The following CDH12 variants were observed in gnomAD, a reference collection of about 807,000 sequenced individuals.
The protein encoded by CDH12 is cadherin-12.
A neutral mutation model predicts 74.1 loss-of-function variants in CDH12; 41 were observed. The ratio of observed to expected loss-of-function variants is 0.55; its 90% CI spans 0.43 to 0.72. CDH12 has a LOEUF of 0.72. CDH12 is among the 30% of genes least tolerant of loss of function. CDH12 has a pLI of 0.00. For missense variants in CDH12, 945 were observed against 977.2 expected (o/e 0.97, Z 0.44); for synonymous variants, 399 against 355.0 (o/e 1.12, Z -1.39).
intron 4 of CDH12, among the ~76,000 whole-genome samples, chr5:22,171,596 G>A (rs1013683548): frequency 1.3e-5 from 2 of 151,862 alleles, no homozygotes; most frequent in Non-Finnish European, 2.9e-5. Flanking sequence ...TCATCCTTAC[G>A]ATAATACTGA....
intron 4 of CDH12, among the ~76,000 whole-genome samples, chr5:22,089,283 T>C (rs960012552): frequency 2.6e-5 from 4 of 152,068 alleles, no homozygotes; most frequent in East Asian, 3.9e-4. Context: ...TGTTAGAATA[T>C]AGTATTTATA....
At chr5:22,364,907 G>C (rs1048551855) in intron 3 of CDH12, among the ~76,000 whole-genome samples, 4 of 152,104 alleles carry the variant, frequency 2.6e-5, no homozygotes, top group African/African-American at 4.8e-5. Context: ...AAATTGTGTT[G>C]ACACTGACAT....
chr5:22,260,937 AAAC>A (rs1300582615), intron 3 of CDH12, among the ~76,000 whole-genome samples: 1 of 152,004 alleles, frequency 6.6e-6, no homozygotes, highest in Admixed American at 6.6e-5. Context: ...GTAACACAAT[AAAC>A]ACAGAGAGCC....
intron 1 of CDH12, among the ~76,000 whole-genome samples, chr5:22,841,263 G>T (rs532320581): frequency 6.6e-6 from 1 of 152,260 alleles, no homozygotes; most frequent in East Asian, 1.9e-4. Flanking sequence ...AACAGGATCT[G>T]CTGGCAAATT....
At chr5:22,220,032 A>G (rs1407725154) in intron 3 of CDH12, among the ~76,000 whole-genome samples, 1 of 151,818 alleles carries the variant, frequency 6.6e-6, no homozygotes, top group Non-Finnish European at 1.5e-5. Context: ...GGCTTAATGT[A>G]TATCACCATT....
At chr5:21,968,008 C>T (rs535420167) in intron 6 of CDH12, among the ~76,000 whole-genome samples, 1 of 152,268 alleles carries the variant, frequency 6.6e-6, no homozygotes, top group Admixed American at 6.5e-5. Flanking sequence ...GCGTCCTCTA[C>T]ACCAAGGAAA....
chr5:22,703,836 G>A (rs1282819248), intron 1 of CDH12, among the ~76,000 whole-genome samples: 9 of 152,104 alleles, frequency 5.9e-5, no homozygotes, highest in Admixed American at 5.9e-4. Flanking sequence ...CATCCTAAAT[G>A]TCTCTACTGC....
intron 1 of CDH12, among the ~76,000 whole-genome samples, chr5:22,670,452 A>C (rs1740847323): frequency 6.6e-6 from 1 of 152,150 alleles, no homozygotes; most frequent in African/African-American, 2.4e-5. Context: ...GCAGATAACC[A>C]CTGTTCTCTT....
chr5:22,204,458 G>A (rs759487029), intron 4 of CDH12, among the ~76,000 whole-genome samples: 3 of 152,188 alleles, frequency 2.0e-5, no homozygotes, highest in Non-Finnish European at 4.4e-5. Flanking sequence ...ACCGCGCCCA[G>A]CCCAATTCAC....
chr5:22,009,839 G>C (rs572382433), intron 5 of CDH12, among the ~76,000 whole-genome samples: 1 of 150,322 alleles, frequency 6.7e-6, no homozygotes, highest in South Asian at 2.1e-4. Context: ...TTAGCTGAGC[G>C]TGGTGGCGGT....
intron 4 of CDH12, among the ~76,000 whole-genome samples, chr5:22,088,429 T>C (rs1743205450): frequency 6.6e-6 from 1 of 152,128 alleles, no homozygotes; most frequent in South Asian, 2.1e-4. Context: ...CTTAGGTTTC[T>C]TGTAGAGCAG....
intron 4 of CDH12, among the ~76,000 whole-genome samples, chr5:22,188,407 C>T (rs1401856842): frequency 6.6e-6 from 1 of 151,866 alleles, no homozygotes; most frequent in Non-Finnish European, 1.5e-5. Context: ...CTAAATTAAT[C>T]TCTATTCTTT....
intron 6 of CDH12, among the ~76,000 whole-genome samples, chr5:21,869,059 A>T (rs559376219): frequency 6.6e-6 from 1 of 152,200 alleles, no homozygotes; most frequent in Middle Eastern, 3.4e-3. Context: ...ATTCCATTAA[A>T]CTCAAAGCTA....
intron 1 of CDH12, among the ~76,000 whole-genome samples, chr5:22,519,346 A>C (rs1304776122): frequency 6.6e-6 from 1 of 152,114 alleles, no homozygotes; most frequent in East Asian, 1.9e-4. Flanking sequence ...TGAAGATATA[A>C]AGTAAAATAA....
At chr5:22,206,674 C>A (rs1305496529) in intron 4 of CDH12, among the ~76,000 whole-genome samples, 2 of 86,878 alleles carry the variant, frequency 2.3e-5, no homozygotes, top group African/African-American at 5.3e-5. Flanking sequence ...TAATGGATTC[C>A]ACTGCAAAAA....
intron 6 of CDH12, among the ~76,000 whole-genome samples, chr5:21,861,726 T>C (rs1012964219): frequency 6.6e-6 from 1 of 152,128 alleles, no homozygotes; most frequent in African/African-American, 2.4e-5. Context: ...TCAAAAAGCA[T>C]ATAGATTCAA....
chr5:22,543,677 C>T (rs1041084536), intron 1 of CDH12, among the ~76,000 whole-genome samples: 2 of 152,106 alleles, frequency 1.3e-5, no homozygotes, highest in East Asian at 1.9e-4. Context: ...TACACTTCTA[C>T]AATAAACTAG....
intron 4 of CDH12, among the ~76,000 whole-genome samples, chr5:22,138,217 T>C (rs962246193): frequency 1.3e-5 from 2 of 152,012 alleles, no homozygotes; most frequent in Non-Finnish European, 2.9e-5. Context: ...ATTTAGATAA[T>C]GTATTTTAGT....
intron 3 of CDH12, among the ~76,000 whole-genome samples, chr5:22,301,760 T>C (rs1737892521): frequency 6.6e-6 from 1 of 152,092 alleles, no homozygotes; most frequent in Non-Finnish European, 1.5e-5. Flanking sequence ...GCCTCCCAAG[T>C]AGCTGGAACC....
Sources: gnomAD v4.1 joint callset for allele counts (sites outside exome capture counted in the v4.1 genomes callset) on GRCh38, gnomAD v4.1.1 for gene constraint, MANE v1.5 for transcripts, NCBI Gene and HGNC (gene_info 2026-07-23, HGNC 2026-07-21) for gene names.